Variants in HSD11B1 observed in about 807,000 individuals in gnomAD.
The protein encoded by HSD11B1 is 11-beta-hydroxysteroid dehydrogenase 1.
Under a neutral mutation model 22.1 loss-of-function variants are expected in HSD11B1, and 15 were observed. That is an observed-to-expected ratio of 0.68 (90% CI 0.45 to 1.04). The LOEUF is 1.04. Among genes scored for constraint, HSD11B1 ranks in the 50% least tolerant of loss-of-function variants. The pLI is 0.00. For synonymous variants in HSD11B1, 122 were observed against 125.2 expected (o/e 0.97, Z 0.17); for missense variants, 281 against 357.6 (o/e 0.79, Z 1.73).
At chr1:209,719,875 T>G (rs2076954996) in intron 4 of HSD11B1, among the ~76,000 whole-genome samples, 1 of 152,234 alleles carries the variant, frequency 6.6e-6, no homozygotes, top group Admixed American at 6.5e-5. Flanking sequence ...TGTGCATGTG[T>G]CTTTATAGCA....
At chr1:209,713,895 C>T (rs2076913896) in intron 4 of HSD11B1, among the ~76,000 whole-genome samples, 1 of 152,270 alleles carries the variant, frequency 6.6e-6, no homozygotes, top group African/African-American at 2.4e-5. Flanking sequence ...AGAGGGCTGC[C>T]TATATTGATT....
Position 209,727,390 on chromosome 1 carries a change from G to A in HSD11B1, c.518-5046G>A, listed in dbSNP as rs149200385. On this transcript the variant is annotated intron_variant, in intron 4 of 5. Transcript: ENST00000367027. ...TGGTAATTTGTTATGGCAGCCCAGG[G>A]AAATGAATACAAAGGGACTAGGAGT... Among the ~76,000 whole-genome samples the A allele has an allele frequency of 7.0e-3, 1,073 of 152,318 alleles. 6 individuals carry two copies. Among genetic ancestry groups the A allele is most frequent in the Middle Eastern group, 0.02 (6 of 294 alleles).
At chr1:209,697,834 T>C (rs1231243404) in intron 1 of HSD11B1, among the ~76,000 whole-genome samples, 1 of 147,886 alleles carries the variant, frequency 6.8e-6, no homozygotes, top group Non-Finnish European at 1.5e-5. Flanking sequence ...TTCACCCAGT[T>C]AAATCCAAAT....
rs746176745 is a variant in HSD11B1 at position 209,706,737 on chromosome 1, C to G, written c.248C>G (p.Ala83Gly). The change falls in exon 3 of 6, where the codon GCA becomes GGA. Residue 83 changes from alanine to glycine, a missense_variant. Coordinates refer to ENST00000367027, the MANE Select transcript of HSD11B1 (RefSeq NM_005525.4). This position sits in a 1 kb window ranked among gnomAD's most constrained non-coding sequence, Gnocchi z 4.0. ...KVVSHCLELGAASAHYIAGTM... is the reference protein window; with the variant it reads ...KVVSHCLELGGASAHYIAGTM... ...GTATCCCACTGCCTGGAGCTTGGAG[C>G]AGCCTCAGCACACTACATTGCTGGC... 4 of 1,613,694 alleles carry G rather than the reference C, an allele frequency of 2.5e-6. No individual in the cohort carries two copies. The highest frequency in any genetic ancestry group is 3.4e-6 in the Non-Finnish European group (4 of 1,179,846).
intron 4 of HSD11B1, among the ~76,000 whole-genome samples, chr1:209,718,726 T>C (rs896356785): frequency 4.6e-5 from 7 of 151,920 alleles, no homozygotes; most frequent in African/African-American, 1.7e-4. Flanking sequence ...TATTTCTGGG[T>C]ATATACACAG....
At position 209,734,386 on chromosome 1, in the gene HSD11B1, G is replaced by C. The variant is rs41283132; in HGVS notation, c.744G>C (p.Gly248=). The C allele has an allele frequency of 4.6e-3, 7,374 of 1,614,094 alleles. 25 individuals are homozygous for C. Among genetic ancestry groups the C allele is most frequent in the Non-Finnish European group, 5.7e-3 (6,749 of 1,180,002 alleles). Residue 248 remains glycine (G), a synonymous_variant, in exon 6 of 6, where the codon GGG becomes GGC. Transcript: ENST00000367027. ...AATGTGCCCTGGAGATCATCAAAGGGGGAGCTCTGCGCCAAGAAGAAGTGT... is the reference window on the plus strand; with the variant it reads ...AATGTGCCCTGGAGATCATCAAAGGCGGAGCTCTGCGCCAAGAAGAAGTGT... ...KEECALEIIK[G]GALRQEEVYY...
intron 4 of HSD11B1, among the ~76,000 whole-genome samples, chr1:209,714,305 G>C (rs1331739771): frequency 1.3e-5 from 2 of 152,140 alleles, no homozygotes; most frequent in Admixed American, 1.3e-4. Context: ...TTTATTTCTT[G>C]GTATACAAAA....
At chr1:209,720,959 T>A (rs1017601306) in intron 4 of HSD11B1, among the ~76,000 whole-genome samples, 3 of 152,190 alleles carry the variant, frequency 2.0e-5, no homozygotes, top group African/African-American at 7.2e-5. Context: ...AGTGGGCTCT[T>A]AATCCACTGC....
intron 4 of HSD11B1, among the ~76,000 whole-genome samples, chr1:209,715,334 T>C (rs2076923503): frequency 6.6e-6 from 1 of 152,120 alleles, no homozygotes. Context: ...CATGCATGTA[T>C]TCACTCACTC....
At chr1:209,708,060 A>G (rs1307904425) in intron 4 of HSD11B1, among the ~76,000 whole-genome samples, 1 of 152,194 alleles carries the variant, frequency 6.6e-6, no homozygotes, top group Non-Finnish European at 1.5e-5. Flanking sequence ...GGTCATGAAA[A>G]GATATCTGTG....
chr1:209,722,115 G>A (rs2076970671), intron 4 of HSD11B1, among the ~76,000 whole-genome samples: 1 of 152,144 alleles, frequency 6.6e-6, no homozygotes, highest in African/African-American at 2.4e-5. Flanking sequence ...AACTGTGGAT[G>A]TTCTTCAAAT....
At chr1:209,713,932 C>T in intron 4 of HSD11B1, among the ~76,000 whole-genome samples, 1 of 152,172 alleles carries the variant, frequency 6.6e-6, no homozygotes. Context: ...TGCTTAAGTA[C>T]TTCAAGAGGA....
chr1:209,697,090 T>A (rs1171055796), intron 1 of HSD11B1, among the ~76,000 whole-genome samples: 1 of 152,228 alleles, frequency 6.6e-6, no homozygotes, highest in Non-Finnish European at 1.5e-5. Context: ...AACTACAGAC[T>A]CCAACAGTGG....
At chr1:209,688,552 C>T (rs572605398) in intron 1 of HSD11B1, among the ~76,000 whole-genome samples, 12 of 152,172 alleles carry the variant, frequency 7.9e-5, no homozygotes, top group East Asian at 7.7e-4. Context: ...TTTAAATGGA[C>T]GAACAAATGG....
chr1:209,714,024 C>CAT (rs372339343), intron 4 of HSD11B1, among the ~76,000 whole-genome samples: 5 of 151,870 alleles, frequency 3.3e-5, no homozygotes, highest in African/African-American at 1.2e-4. Context: ...CCCAAATATA[C>CAT]TCATTCATTC....
At chr1:209,717,353 G>A (rs984081565) in intron 4 of HSD11B1, among the ~76,000 whole-genome samples, 1 of 152,134 alleles carries the variant, frequency 6.6e-6, no homozygotes, top group Admixed American at 6.5e-5. Context: ...AAACTACTAT[G>A]AGATATCATC....
chr1:209,734,658 G>T lies in HSD11B1; in HGVS notation c.*137G>T. The T allele has an allele frequency of 1.4e-6, 1 of 723,640 alleles. No homozygotes were observed. 44.8% of individuals were successfully genotyped at this position (723,640 alleles called of 1,614,324 possible). A position where few individuals can be genotyped will look rare whatever the true frequency, so the allele number is the denominator to read the frequency against. ...AGTCATGGGTCACACCTGACAAATG[G>T]AAGGAGTTCCTCTAACATTTGCAAA... On this transcript the variant is annotated 3_prime_UTR_variant, in exon 6 of 6. Coordinates refer to ENST00000367027, the MANE Select transcript of HSD11B1 (RefSeq NM_005525.4).
chr1:209,732,682 T>A, intron 5 of HSD11B1, 103 bp downstream of exon 5: 1 of 962,680 alleles, frequency 1.0e-6, no homozygotes, highest in African/African-American at 1.6e-5. Context: ...ATGTGCCATG[T>A]TGGTGTGCTG....
rs2076860238 is a variant in HSD11B1, at chr1:209,706,568, AAC to A, written c.220-131_220-130del. On this transcript the variant is annotated intron_variant, in intron 2 of 5. Coordinates refer to ENST00000367027, the MANE Select transcript of HSD11B1 (RefSeq NM_005525.4). The surrounding 1 kb of genome is among the most constrained non-coding windows in gnomAD (Gnocchi z 4.0). ...GATGATCATGAGGGTTATATTAGGC[AAC>A]ACACACACAAACATACTTACCATTT... is the stretch of plus-strand genomic sequence containing the variant. 12 of 749,650 alleles carry A rather than the reference AAC, an allele frequency of 1.6e-5. No homozygotes were observed. Among genetic ancestry groups the A allele is most frequent in the Non-Finnish European group, 2.4e-5 (10 of 408,762 alleles). The allele number at this position is 749,650 out of a possible 1,614,324, so 46.4% of individuals were successfully genotyped here. A position where few individuals can be genotyped will look rare whatever the true frequency, so the allele number is the denominator to read the frequency against.
Sources: allele counts gnomAD v4.1 joint callset (sites outside exome capture counted in the v4.1 genomes callset), GRCh38; gene constraint gnomAD v4.1.1; non-coding constraint Gnocchi (gnomAD v3.1); transcripts MANE v1.5; gene names NCBI Gene and HGNC (gene_info 2026-07-23, HGNC 2026-07-21).